Variants in RALGAPA2 observed in about 807,000 individuals in gnomAD.
The protein encoded by RALGAPA2 is Ral GTPase activating protein catalytic subunit alpha 2.
In RALGAPA2, 139 loss-of-function variants were observed where a neutral mutation model predicts 230.4. That is an observed-to-expected ratio of 0.60 (90% CI 0.53 to 0.69). The LOEUF is 0.69. Ranked by LOEUF, RALGAPA2 falls within the 30% of genes least tolerant of loss-of-function variation. The pLI, the probability that RALGAPA2 is intolerant of heterozygous loss-of-function variation, is 0.00. For missense variants in RALGAPA2, 2,163 were observed against 2,276.0 expected (o/e 0.95, Z 1.01); for synonymous variants, 847 against 837.8 (o/e 1.01, Z -0.19).
intron 36 of RALGAPA2, among the ~76,000 whole-genome samples, chr20:20,490,780 T>C (rs2062029801): frequency 6.6e-6 from 1 of 152,122 alleles, no homozygotes; most frequent in South Asian, 2.1e-4. Context: ...AACAGCCTTT[T>C]CCCAGCATTT....
intron 12 of RALGAPA2, among the ~76,000 whole-genome samples, chr20:20,618,639 C>T (rs1001536497): frequency 6.6e-6 from 1 of 152,042 alleles, no homozygotes; most frequent in Non-Finnish European, 1.5e-5. Flanking sequence ...GGGTGGCGGG[C>T]GAGGGGGCAG....
At chr20:20,612,750 A>G (rs138536187) in intron 13 of RALGAPA2, among the ~76,000 whole-genome samples, 16 of 152,270 alleles carry the variant, frequency 1.1e-4, no homozygotes, top group African/African-American at 3.9e-4. Context: ...GAACTGGGAG[A>G]AGCAATGGCA....
chr20:20,464,068 C>T (rs763428253), intron 37 of RALGAPA2, among the ~76,000 whole-genome samples: 9 of 152,170 alleles, frequency 5.9e-5, no homozygotes, highest in African/African-American at 1.9e-4. Flanking sequence ...AGCTGGAGGA[C>T]GAAGCGCCAG....
intron 37 of RALGAPA2, among the ~76,000 whole-genome samples, chr20:20,439,528 C>G (rs141067857): frequency 6.6e-6 from 1 of 152,098 alleles, no homozygotes; most frequent in Admixed American, 6.5e-5. Context: ...TCACTTTTTA[C>G]AGTTAGGTAT....
chr20:20,607,353 T>G (rs2065852445), intron 14 of RALGAPA2, among the ~76,000 whole-genome samples: 1 of 152,142 alleles, frequency 6.6e-6, no homozygotes, highest in Admixed American at 6.5e-5. Context: ...CATAAAAATG[T>G]TAAAGTAGGA....
chr20:20,470,466 A>G (rs2061513586), intron 37 of RALGAPA2, among the ~76,000 whole-genome samples: 1 of 152,178 alleles, frequency 6.6e-6, no homozygotes. Context: ...CAGCATCCAG[A>G]GTAAACTCCC....
chr20:20,527,917 A>C (rs2063261010), intron 27 of RALGAPA2, among the ~76,000 whole-genome samples: 1 of 152,158 alleles, frequency 6.6e-6, no homozygotes. Context: ...CTCTGAACTC[A>C]AGAAGCTGGA....
At chr20:20,570,745 C>T (rs2064601532) in intron 23 of RALGAPA2, among the ~76,000 whole-genome samples, 1 of 152,156 alleles carries the variant, frequency 6.6e-6, no homozygotes, top group Non-Finnish European at 1.5e-5. Context: ...CAAATGCAGT[C>T]CAGAATCTCT....
chr20:20,446,006 A>C (rs2060852793), intron 37 of RALGAPA2, among the ~76,000 whole-genome samples: 1 of 151,908 alleles, frequency 6.6e-6, no homozygotes, highest in Non-Finnish European at 1.5e-5. Flanking sequence ...TTCTTCTTAG[A>C]GCTAAAGTAT....
intron 23 of RALGAPA2, among the ~76,000 whole-genome samples, chr20:20,553,243 G>A (rs951898013): frequency 1.3e-5 from 2 of 152,154 alleles, no homozygotes; most frequent in African/African-American, 4.8e-5. Flanking sequence ...ATTGGGTTCT[G>A]CACCTGGAGA....
At chr20:20,680,158 C>A (rs1242952481) in intron 2 of RALGAPA2, among the ~76,000 whole-genome samples, 1 of 152,228 alleles carries the variant, frequency 6.6e-6, no homozygotes, top group East Asian at 1.9e-4. Context: ...GCTCCCCAGG[C>A]TACACTATCC....
At chr20:20,548,049 T>C (rs2063820710) in intron 23 of RALGAPA2, among the ~76,000 whole-genome samples, 1 of 152,202 alleles carries the variant, frequency 6.6e-6, no homozygotes, top group Admixed American at 6.5e-5. Flanking sequence ...AAATGTTACA[T>C]GACTATACTA....
intron 10 of RALGAPA2, among the ~76,000 whole-genome samples, chr20:20,629,045 G>A (rs1355854278): frequency 2.0e-5 from 3 of 152,084 alleles, no homozygotes; most frequent in African/African-American, 7.2e-5. Flanking sequence ...ATTCAGGAAC[G>A]GCTTTCTTCC....
intron 36 of RALGAPA2, among the ~76,000 whole-genome samples, chr20:20,480,019 T>C (rs1271203997): frequency 6.6e-6 from 1 of 152,128 alleles, no homozygotes; most frequent in East Asian, 1.9e-4. Context: ...AGCATAAAAA[T>C]ATAAAATAGA....
intron 21 of RALGAPA2, among the ~76,000 whole-genome samples, 189 bp downstream of exon 21, chr20:20,572,685 TG>T (rs770236262): frequency 2.0e-5 from 3 of 152,216 alleles, no homozygotes; most frequent in Non-Finnish European, 4.4e-5. Flanking sequence ...TTGCACTAAA[TG>T]AAATAACTTT....
At chr20:20,677,629 A>ATT (rs758379115) in intron 2 of RALGAPA2, among the ~76,000 whole-genome samples, 918 of 64,300 alleles carry the variant, frequency 0.014, 103 homozygotes, top group Non-Finnish European at 0.017. Flanking sequence ...GATTTGACCC[A>ATT]TTTTTTTTTT....
At chr20:20,521,910 C>G (rs1316520378) in intron 30 of RALGAPA2, among the ~76,000 whole-genome samples, 1 of 152,152 alleles carries the variant, frequency 6.6e-6, no homozygotes, top group Non-Finnish European at 1.5e-5. Context: ...TGGCAAGAGG[C>G]CTTGTGGTCA....
At chr20:20,653,613 TAAAC>T in intron 3 of RALGAPA2, 26 bp from the exon 4 acceptor site, 1 of 1,312,102 alleles carries the variant, frequency 7.6e-7, no homozygotes, top group Non-Finnish European at 1.1e-6. Context: ...ATAAAGAAAA[TAAAC>T]AACAAATGAA....
intron 3 of RALGAPA2, among the ~76,000 whole-genome samples, chr20:20,665,276 C>T (rs1051629013): frequency 6.6e-6 from 1 of 152,200 alleles, no homozygotes; most frequent in Non-Finnish European, 1.5e-5. Context: ...TTCTTGGAAG[C>T]ATTTTTGCTA....
Sources: allele counts gnomAD v4.1 joint callset (sites outside exome capture counted in the v4.1 genomes callset), GRCh38; gene constraint gnomAD v4.1.1; transcripts MANE v1.5; gene names NCBI Gene and HGNC (gene_info 2026-07-23, HGNC 2026-07-21).